The following DOCK7 variants were observed in gnomAD, a reference collection of about 807,000 sequenced individuals.
The protein encoded by DOCK7 is dedicator of cytokinesis 7, also known as dedicator of cytokinesis protein 7.
DOCK7 carries 138 observed loss-of-function variants against 271.0 expected under a neutral mutation model. That is an observed-to-expected ratio of 0.51 (90% CI 0.44 to 0.59). The LOEUF (loss-of-function observed/expected upper bound fraction) is 0.59, where lower values mean the gene tolerates loss of function less well. Ranked by LOEUF, DOCK7 falls within the 20% of genes least tolerant of loss-of-function variation. The pLI, the probability that DOCK7 is intolerant of heterozygous loss-of-function variation, is 0.00. For synonymous variants in DOCK7, 823 were observed against 876.1 expected, an observed-to-expected ratio of 0.94 and a Z score of 1.07; for missense variants, 2,066 against 2,592.4, an observed-to-expected ratio of 0.80 and a Z score of 4.41.
intron 43 of DOCK7, chr1:62,479,660 C>A: frequency 3.3e-6 from 1 of 306,618 alleles, no homozygotes; most frequent in South Asian, 3.0e-5. Context: ...ATATACATTC[C>A]TACTTTTTGT....
At chr1:62,569,722 C>G (rs74845863) in intron 18 of DOCK7, among the ~76,000 whole-genome samples, 6 of 136,238 alleles carry the variant, frequency 4.4e-5, no homozygotes, top group Non-Finnish European at 9.5e-5. Context: ...TCCCCCCCCC[C>G]TTTTTTTTTG....
chr1:62,562,562 C>A (rs1646362959), intron 18 of DOCK7, among the ~76,000 whole-genome samples: 1 of 152,006 alleles, frequency 6.6e-6, no homozygotes, highest in Non-Finnish European at 1.5e-5. Flanking sequence ...AAAGTTATTT[C>A]ATAAAAAATA....
Position 62,686,076 on chromosome 1 carries a change from T to G in DOCK7, c.38+2151A>C, listed in dbSNP as rs141200970. Among the ~76,000 whole-genome samples, 581 of 152,302 alleles carry G rather than the reference T, an allele frequency of 3.8e-3. 6 individuals carry two copies. The highest frequency in any genetic ancestry group is 0.013 in the African/African-American group (528 of 41,538). ...ATCCAACTCTCTAAAGTGCACTTAC[T>G]TTATCAGCATGATGTTTTCAGAGAT... On this transcript the variant is annotated intron_variant, in intron 1 of 49. Coordinates refer to ENST00000635253, the MANE Select transcript of DOCK7 (RefSeq NM_001367561.1).
At chr1:62,562,116 A>G (rs1385014385) in intron 18 of DOCK7, among the ~76,000 whole-genome samples, 2 of 151,872 alleles carry the variant, frequency 1.3e-5, no homozygotes, top group East Asian at 1.9e-4. Flanking sequence ...CAATAAATTC[A>G]AATTTACAAT....
intron 17 of DOCK7, among the ~76,000 whole-genome samples, chr1:62,577,610 T>C (rs1412158862): frequency 6.6e-6 from 1 of 152,120 alleles, no homozygotes; most frequent in Non-Finnish European, 1.5e-5. Flanking sequence ...AATATTAAAA[T>C]CTAGAGGCAA....
At chr1:62,521,302 TCAAAGAAAAATG>T (rs964479312) in intron 31 of DOCK7, among the ~76,000 whole-genome samples, 36 of 151,500 alleles carry the variant, frequency 2.4e-4, no homozygotes, top group African/African-American at 8.7e-4. Context: ...AACTAAACAA[TCAAAGAAAAATG>T]CATAGGCTGA....
At position 62,455,474 on chromosome 1, in the gene DOCK7, G is replaced by A. The variant is rs181260732; in HGVS notation, c.6381-18C>T. On this transcript the variant is annotated intron_variant, in intron 49 of 49. Transcript: ENST00000635253. The stretch of plus-strand genomic sequence containing the variant: ...AGGAATCTCTGGGAAAAAAATGAGA[G>A]GACATAGTTAGTTAAAGAGAACAAT... 6.2e-7 allele frequency: 1 copy of A among 1,612,508 alleles called. No individual in the cohort carries two copies. Among genetic ancestry groups the A allele is most frequent in the East Asian group, 2.2e-5 (1 of 44,788 alleles).
chr1:62,547,042 G>C (rs1435911212), intron 22 of DOCK7, among the ~76,000 whole-genome samples: 2 of 151,998 alleles, frequency 1.3e-5, no homozygotes, highest in Non-Finnish European at 2.9e-5. Context: ...TAAGAACTTT[G>C]CTGTACTCTT....
chr1:62,527,294 A>G (rs1645038576), intron 31 of DOCK7, among the ~76,000 whole-genome samples: 1 of 152,184 alleles, frequency 6.6e-6, no homozygotes, highest in South Asian at 2.1e-4. Context: ...GATTAAAAAA[A>G]CCCTCAAATG....
intron 1 of DOCK7, among the ~76,000 whole-genome samples, chr1:62,671,000 C>G (rs1479438178): frequency 1.3e-5 from 2 of 152,012 alleles, no homozygotes; most frequent in Admixed American, 1.3e-4. Context: ...AGCGAGACCA[C>G]GAGCCCACCG....
intron 7 of DOCK7, among the ~76,000 whole-genome samples, chr1:62,643,513 T>C (rs1197116546): frequency 6.6e-6 from 1 of 152,240 alleles, no homozygotes; most frequent in Non-Finnish European, 1.5e-5. Context: ...TTTCTTTGCA[T>C]AGGATCTCTT....
intron 1 of DOCK7, among the ~76,000 whole-genome samples, chr1:62,676,588 A>G (rs181187474): frequency 2.0e-5 from 3 of 152,322 alleles, no homozygotes; most frequent in Non-Finnish European, 2.9e-5. Context: ...CTCTGCAAAG[A>G]TAAGTGGAAG....
In DOCK7 at chr1:62,528,414, A is replaced by G. The variant is rs1645079169; in HGVS notation, c.3782-109T>C. ...AATAACTTGTTGACATGTTATAGTT[A>G]TTAGATTTACTTCTTTTGGATAATA... On this transcript the variant is annotated intron_variant, in intron 30 of 49. Coordinates refer to ENST00000635253, the MANE Select transcript of DOCK7 (RefSeq NM_001367561.1). 4 of 1,002,562 alleles carry G rather than the reference A, an allele frequency of 4.0e-6. No individual in the cohort carries two copies. In the East Asian group the frequency reaches 1.1e-4, roughly 28 times the overall value. 62.1% of individuals were successfully genotyped at this position (1,002,562 alleles called of 1,614,324 possible).
intron 31 of DOCK7, chr1:62,516,863 T>C (rs1389034800): frequency 2.0e-5 from 3 of 152,400 alleles, no homozygotes; most frequent in Non-Finnish European, 4.4e-5. Flanking sequence ...AAACACATGG[T>C]CAATCATTAA....
intron 48 of DOCK7, among the ~76,000 whole-genome samples, chr1:62,461,645 T>C (rs1645529906): frequency 6.7e-6 from 1 of 148,188 alleles, no homozygotes; most frequent in Admixed American, 6.8e-5. Context: ...CACTCCAGCC[T>C]GGGTGACACA....
intron 37 of DOCK7, among the ~76,000 whole-genome samples, chr1:62,502,440 A>G (rs979341780): frequency 5.3e-5 from 8 of 152,206 alleles, no homozygotes; most frequent in Non-Finnish European, 1.0e-4. Context: ...CTTAATGTCA[A>G]TGCTGCTCAT....
At chr1:62,643,870 A>ACT (rs1199579695) in intron 7 of DOCK7, among the ~76,000 whole-genome samples, 2 of 152,048 alleles carry the variant, frequency 1.3e-5, no homozygotes, top group African/African-American at 4.8e-5. Flanking sequence ...TATCTAATCT[A>ACT]CGTTGAGCCC....
intron 10 of DOCK7, among the ~76,000 whole-genome samples, chr1:62,632,565 T>TATTA (rs1654752845): frequency 6.6e-6 from 1 of 152,244 alleles, no homozygotes; most frequent in South Asian, 2.1e-4. Context: ...GAAGTTCCAG[T>TATTA]ATTAAATCTT....
intron 14 of DOCK7, chr1:62,604,445 TG>T: frequency 1.1e-6 from 1 of 884,378 alleles, no homozygotes; most frequent in Non-Finnish European, 1.7e-6. Context: ...TTCTATTTTT[TG>T]GTAGTGTATA....
Sources: gnomAD v4.1 joint callset for allele counts (sites outside exome capture counted in the v4.1 genomes callset) on GRCh38, gnomAD v4.1.1 for gene constraint, MANE v1.5 for transcripts, NCBI Gene and HGNC (gene_info 2026-07-23, HGNC 2026-07-21) for gene names.